ADGRL2: variants seen among roughly 807,000 people sequenced by gnomAD.
ADGRL2 encodes the protein adhesion G protein-coupled receptor L2.
Under a neutral mutation model 157.4 loss-of-function variants are expected in ADGRL2, and 44 were observed. The ratio of observed to expected loss-of-function variants is 0.28; its 90% CI spans 0.22 to 0.36. The LOEUF is 0.36. Ranked by LOEUF, ADGRL2 falls within the 10% of genes least tolerant of loss-of-function variation. The pLI is 1.00. For missense variants in ADGRL2, 1,510 were observed against 1,768.9 expected, an observed-to-expected ratio of 0.85 and a Z score of 2.63; for synonymous variants, 585 against 624.7, an observed-to-expected ratio of 0.94 and a Z score of 0.95.
intron 3 of ADGRL2, among the ~76,000 whole-genome samples, chr1:81,919,656 A>G (rs138759473): frequency 3.9e-5 from 6 of 152,056 alleles, no homozygotes; most frequent in Middle Eastern, 3.4e-3. Context: ...AATTTTTTTC[A>G]TACATTTGAT....
intron 1 of ADGRL2, among the ~76,000 whole-genome samples, chr1:81,337,319 C>T (rs1476454956): frequency 2.0e-5 from 3 of 150,520 alleles, no homozygotes; most frequent in African/African-American, 7.3e-5. Flanking sequence ...GAACACACAC[C>T]CTCTGGGGCT....
chr1:81,851,918 T>C (rs973154310), intron 2 of ADGRL2, among the ~76,000 whole-genome samples: 7 of 151,990 alleles, frequency 4.6e-5, no homozygotes, highest in Admixed American at 1.3e-4. Context: ...AGTACAACTA[T>C]AGGATTTTTT....
At chr1:81,370,225 AC>A (rs1042961134) in intron 1 of ADGRL2, among the ~76,000 whole-genome samples, 13 of 152,168 alleles carry the variant, frequency 8.5e-5, no homozygotes, top group African/African-American at 3.1e-4. Flanking sequence ...TTGATTTTTT[AC>A]CTTTTTTATA....
chr1:81,449,459 C>T (rs2077665634), intron 2 of ADGRL2, among the ~76,000 whole-genome samples: 1 of 152,192 alleles, frequency 6.6e-6, no homozygotes, highest in South Asian at 2.1e-4. Context: ...ATAGGCATCC[C>T]ACCAAAATCC....
At chr1:81,822,527 T>C (rs1008588807) in intron 1 of ADGRL2, among the ~76,000 whole-genome samples, 3 of 152,002 alleles carry the variant, frequency 2.0e-5, no homozygotes, top group African/African-American at 7.2e-5. Flanking sequence ...TTTTACTTCT[T>C]TTTAATATGA....
At chr1:81,464,577 A>G (rs564855439) in intron 2 of ADGRL2, among the ~76,000 whole-genome samples, 1 of 152,320 alleles carries the variant, frequency 6.6e-6, no homozygotes, top group Admixed American at 6.5e-5. Context: ...TGTCTAGGAC[A>G]AGAACTCATC....
chr1:81,609,497 A>G (rs914562882), intron 3 of ADGRL2, among the ~76,000 whole-genome samples: 54 of 152,192 alleles, frequency 3.5e-4, no homozygotes, highest in African/African-American at 1.3e-3. Context: ...CTTGTTTTTG[A>G]TAAAAACAAG....
chr1:81,505,740 CAAAAAAAAA>C (rs59062091), intron 2 of ADGRL2, among the ~76,000 whole-genome samples: 8 of 85,082 alleles, frequency 9.4e-5, no homozygotes, highest in African/African-American at 2.9e-4. Context: ...TGTCCTCCTG[CAAAAAAAAA>C]AAAAAAAAAA....
intron 2 of ADGRL2, among the ~76,000 whole-genome samples, chr1:81,536,641 C>T (rs928135048): frequency 1.3e-5 from 2 of 151,960 alleles, no homozygotes; most frequent in African/African-American, 4.8e-5. Flanking sequence ...GTTTCTTTGT[C>T]GTCGTTGTTT....
intron 2 of ADGRL2, among the ~76,000 whole-genome samples, chr1:81,523,928 G>C (rs539021071): frequency 1.4e-4 from 22 of 152,138 alleles, no homozygotes; most frequent in Middle Eastern, 3.4e-3. Flanking sequence ...AGCTGGGTGT[G>C]GTGACAGGAG....
intron 2 of ADGRL2, among the ~76,000 whole-genome samples, chr1:81,873,733 A>C (rs2093757718): frequency 6.6e-6 from 1 of 152,152 alleles, no homozygotes; most frequent in South Asian, 2.1e-4. Context: ...GAATGAGGTC[A>C]ATTAAGGTGT....
chr1:81,989,546 C>A, intron 23 of ADGRL2: 1 of 710,820 alleles, frequency 1.4e-6, no homozygotes, highest in Admixed American at 2.4e-5. Context: ...TAAAAGGCTG[C>A]TATTGCTGGT....
At chr1:81,637,914 T>C (rs968064617) in intron 3 of ADGRL2, among the ~76,000 whole-genome samples, 113 of 146,476 alleles carry the variant, frequency 7.7e-4, no homozygotes, top group Non-Finnish European at 4.8e-4. Context: ...AAGGTATGCT[T>C]TTTTTTTTTT....
chr1:81,570,147 G>C (rs1575579), intron 2 of ADGRL2, among the ~76,000 whole-genome samples: 23,792 of 152,064 alleles, frequency 0.16, 2,571 homozygotes, highest in African/African-American at 0.29. Flanking sequence ...CTACACTACA[G>C]CCTACACAAA....
At chr1:81,668,012 C>T (rs964150296) in intron 3 of ADGRL2, among the ~76,000 whole-genome samples, 2 of 152,032 alleles carry the variant, frequency 1.3e-5, no homozygotes, top group African/African-American at 4.8e-5. Context: ...ATTATGAAAT[C>T]TCTTTTCTAA....
chr1:81,892,688 A>T (rs966635463), intron 2 of ADGRL2, among the ~76,000 whole-genome samples: 1 of 152,182 alleles, frequency 6.6e-6, no homozygotes, highest in African/African-American at 2.4e-5. Context: ...TGTTGTATAG[A>T]TATTTATATA....
intron 1 of ADGRL2, among the ~76,000 whole-genome samples, chr1:81,392,039 C>A (rs74682794): frequency 6.6e-6 from 1 of 152,084 alleles, no homozygotes; most frequent in Non-Finnish European, 1.5e-5. Flanking sequence ...AATCATACGA[C>A]TTGCAACGAA....
chr1:81,891,984 A>ATG (rs1428364670), intron 2 of ADGRL2, among the ~76,000 whole-genome samples: 2 of 123,134 alleles, frequency 1.6e-5, no homozygotes, highest in East Asian at 5.9e-4. Flanking sequence ...GTGTGTGTGT[A>ATG]TGTGTGTGTG....
chr1:81,472,501 C>T (rs12727426), intron 2 of ADGRL2, among the ~76,000 whole-genome samples: 21,929 of 152,026 alleles, frequency 0.14, 1,658 homozygotes, highest in East Asian at 0.21. Flanking sequence ...GGTGGTGGCA[C>T]ACGCCTGTAA....
Sources: gnomAD v4.1 joint callset for allele counts (sites outside exome capture counted in the v4.1 genomes callset) on GRCh38, gnomAD v4.1.1 for gene constraint, MANE v1.5 for transcripts, NCBI Gene and HGNC (gene_info 2026-07-23, HGNC 2026-07-21) for gene names.